Variants in COL13A1 observed in about 807,000 individuals in gnomAD.
COL13A1 encodes collagen type XIII alpha 1 chain.
COL13A1 carries 89 observed loss-of-function variants against 130.9 expected under a neutral mutation model. The ratio of observed to expected loss-of-function variants is 0.68; its 90% CI spans 0.57 to 0.81. The LOEUF is 0.81. COL13A1 is among the 30% of genes least tolerant of loss of function. COL13A1 has a pLI of 0.00. For synonymous variants in COL13A1, 402 were observed against 341.6 expected, an observed-to-expected ratio of 1.18 and a Z score of -1.95; for missense variants, 879 against 934.6, an observed-to-expected ratio of 0.94 and a Z score of 0.78.
At chr10:69,818,448 G>T (rs1351967991) in intron 1 of COL13A1, among the ~76,000 whole-genome samples, 1 of 152,222 alleles carries the variant, frequency 6.6e-6, no homozygotes, top group Non-Finnish European at 1.5e-5. Context: ...CACAAGGCCT[G>T]GTTATTAGTC....
intron 27 of COL13A1, among the ~76,000 whole-genome samples, chr10:69,927,435 G>A (rs1351776382): frequency 2.0e-5 from 3 of 152,190 alleles, no homozygotes; most frequent in African/African-American, 7.2e-5. Flanking sequence ...CAGTACTGAG[G>A]AGGATGTTTT....
intron 2 of COL13A1, among the ~76,000 whole-genome samples, chr10:69,824,295 T>C (rs971267278): frequency 1.3e-5 from 2 of 152,254 alleles, no homozygotes; most frequent in Non-Finnish European, 2.9e-5. Context: ...AGAGAAATCC[T>C]TATCAAATGC....
chr10:69,829,664 T>C (rs1158094591), intron 2 of COL13A1, among the ~76,000 whole-genome samples: 2 of 152,200 alleles, frequency 1.3e-5, no homozygotes, highest in African/African-American at 4.8e-5. Flanking sequence ...GAGAGGGCCC[T>C]GGGTTTAAGG....
intron 1 of COL13A1, among the ~76,000 whole-genome samples, chr10:69,820,976 A>C (rs1845935399): frequency 6.6e-6 from 1 of 151,670 alleles, no homozygotes; most frequent in Middle Eastern, 3.4e-3. Context: ...CCCTTATGAC[A>C]CCTCCCATAT....
chr10:69,890,936 A>G lies in COL13A1; in HGVS notation c.603+1496A>G, dbSNP rs567855656. Among the ~76,000 whole-genome samples, 9 of 152,354 alleles carry G rather than the reference A, an allele frequency of 5.9e-5. No individual in the cohort carries two copies. The East Asian group carries it at 1.7e-3, about 29-fold the overall frequency. On this transcript the variant is annotated intron_variant, in intron 10 of 40. Transcript: ENST00000645393. ...AATGTCCAAAACAAGATCGAAACAC[A>G]GTTCTCAAATTCCTTCCCTCCCTTT...
At chr10:69,873,716 G>C (rs2395274) in intron 4 of COL13A1, among the ~76,000 whole-genome samples, 20,879 of 152,264 alleles carry the variant, frequency 0.14, 1,555 homozygotes, top group Middle Eastern at 0.19. Flanking sequence ...CCTGGCCTGG[G>C]GTCCTTCGCA....
At position 69,823,827 on chromosome 10, in the gene COL13A1, C is replaced by T. The variant is rs930431958; in HGVS notation, c.364+1389C>T. Among the ~76,000 whole-genome samples, 4 of 152,090 alleles carry T rather than the reference C, an allele frequency of 2.6e-5. No individual in the cohort carries two copies. In the East Asian group the frequency reaches 7.7e-4, roughly 29 times the overall value. On this transcript the variant is annotated intron_variant, in intron 2 of 40. Transcript: ENST00000645393. ...CCCTCTGGGCCCAGAAGATAGGGCCCGGGGGTCTGGGAAAGCTTTCAGGAG... is the reference window on the plus strand; with the variant it reads ...CCCTCTGGGCCCAGAAGATAGGGCCTGGGGGTCTGGGAAAGCTTTCAGGAG...
chr10:69,956,237 C>G (rs1401813679), intron 39 of COL13A1: 1 of 152,142 alleles, frequency 6.6e-6, no homozygotes. Context: ...ATATGAGGGC[C>G]CAAGAAAACT....
rs1292873198 is a variant in COL13A1, at chr10:69,884,011, G to A, written c.514-3445G>A. On this transcript the variant is annotated intron_variant, in intron 7 of 40. Transcript: ENST00000645393. Reference sequence around the variant, plus strand: ...ATAAAAAATAAGGATTGAGGGAGAAGCAAGAACTCAAGATGACACCACATT... The same window carrying A: ...ATAAAAAATAAGGATTGAGGGAGAAACAAGAACTCAAGATGACACCACATT... 2.0e-5 allele frequency among the ~76,000 whole-genome samples: 3 copies of A among 151,982 alleles called. No homozygotes were observed. In the East Asian group the frequency reaches 5.8e-4, roughly 29 times the overall value.
chr10:69,844,697 A>T (rs2704483), intron 2 of COL13A1, among the ~76,000 whole-genome samples: 7 of 152,180 alleles, frequency 4.6e-5, no homozygotes, highest in South Asian at 4.2e-4. Context: ...TGTTGGCTGA[A>T]GTGTTTGAGT....
chr10:69,832,216 A>G (rs1848983642), intron 2 of COL13A1, among the ~76,000 whole-genome samples: 1 of 152,218 alleles, frequency 6.6e-6, no homozygotes, highest in South Asian at 2.1e-4. Context: ...ATGCTATGAA[A>G]AATGCTGGAT....
At chr10:69,888,443 G>C in intron 9 of COL13A1, 113 bp downstream of exon 9, 1 of 1,452,548 alleles carries the variant, frequency 6.9e-7, no homozygotes, top group South Asian at 1.3e-5. Flanking sequence ...AAAAGTCCTG[G>C]GGCTGAAGGT....
intron 27 of COL13A1, 29 bp downstream of exon 27, chr10:69,927,139 G>C (rs755179978): frequency 6.2e-7 from 1 of 1,601,670 alleles, no homozygotes; most frequent in East Asian, 2.2e-5. Context: ...GGCTTTCCTT[G>C]GGCACTGGAC....
At chr10:69,902,475 C>A (rs757261909) in intron 14 of COL13A1, among the ~76,000 whole-genome samples, 2 of 152,152 alleles carry the variant, frequency 1.3e-5, no homozygotes, top group Non-Finnish European at 2.9e-5. Context: ...CTGCCTCTGC[C>A]CCCCCGCAGA....
At chr10:69,932,346 G>A (rs1463016933) in intron 30 of COL13A1, among the ~76,000 whole-genome samples, 2 of 152,138 alleles carry the variant, frequency 1.3e-5, no homozygotes, top group Non-Finnish European at 1.5e-5. Flanking sequence ...AGGCCTGTAC[G>A]CTGCAGAGTC....
intron 4 of COL13A1, among the ~76,000 whole-genome samples, chr10:69,874,163 C>T (rs2059360401): frequency 6.6e-6 from 1 of 152,242 alleles, no homozygotes; most frequent in Non-Finnish European, 1.5e-5. Context: ...ATTTTAAGAG[C>T]CTAATTTCAG....
intron 4 of COL13A1, 121 bp downstream of exon 4, chr10:69,872,331 C>G (rs1244675875): frequency 9.1e-7 from 1 of 1,103,510 alleles, no homozygotes; most frequent in East Asian, 2.5e-5. Context: ...AGGCCACTCT[C>G]CAGAGTCCCT....
Position 69,945,728 on chromosome 10 carries a change from A to G in COL13A1, c.2022+4A>G. 1 of 1,611,302 alleles carries G rather than the reference A, an allele frequency of 6.2e-7. No homozygotes were observed. Among genetic ancestry groups the G allele is most frequent in the Non-Finnish European group, 8.5e-7 (1 of 1,178,808 alleles). The stretch of plus-strand genomic sequence containing the variant: ...AACGGGAGCAGCTGGGCTTCCTGTG[A>G]GTCTCTTGGGATCAGAGGTTCCTCT... On this transcript the variant is annotated splice_donor_region_variant and intron_variant, in intron 37 of 40. Coordinates refer to ENST00000645393, the MANE Select transcript of COL13A1 (RefSeq NM_001368882.1).
intron 2 of COL13A1, among the ~76,000 whole-genome samples, chr10:69,840,451 C>A (rs924829558): frequency 3.3e-5 from 5 of 152,222 alleles, no homozygotes; most frequent in Admixed American, 1.3e-4. Context: ...ATGGAGGAGG[C>A]AGAGCCTGTG....
Sources: allele counts gnomAD v4.1 joint callset (sites outside exome capture counted in the v4.1 genomes callset), GRCh38; gene constraint gnomAD v4.1.1; transcripts MANE v1.5; gene names NCBI Gene and HGNC (gene_info 2026-07-23, HGNC 2026-07-21).